The following ALS2 variants were observed in gnomAD, a reference collection of about 807,000 sequenced individuals.
ALS2 encodes alsin.
A neutral mutation model predicts 203.4 loss-of-function variants in ALS2; 117 were observed. The observed-to-expected ratio is 0.58, with a 90% CI of 0.50 to 0.67. The LOEUF is 0.67. Among genes scored for constraint, ALS2 ranks in the 30% least tolerant of loss-of-function variants. The pLI is 0.00. For synonymous variants in ALS2, 718 were observed against 725.9 expected (o/e 0.99, Z 0.17); for missense variants, 1,715 against 1,989.4 (o/e 0.86, Z 2.62).
chr2:201,767,513 T>A, intron 2 of ALS2, 130 bp from the exon 3 acceptor site: 1 of 1,005,322 alleles, frequency 9.9e-7, no homozygotes, highest in Non-Finnish European at 1.5e-6. Context: ...AATTAGCACC[T>A]ATTTTATGCT....
intron 27 of ALS2, among the ~76,000 whole-genome samples, chr2:201,708,875 A>G (rs1689877464): frequency 3.4e-5 from 1 of 29,254 alleles, no homozygotes; most frequent in Non-Finnish European, 9.6e-5. Flanking sequence ...CTAATTGTAT[A>G]GTTGAAAAAA....
At chr2:201,738,424 A>T in intron 12 of ALS2, 1 of 512,728 alleles carries the variant, frequency 2.0e-6, no homozygotes, top group Non-Finnish European at 3.5e-6. Context: ...CAAAGTCTCA[A>T]GGATAGCACA....
chr2:201,765,637 C>T (rs1694036026), intron 3 of ALS2: 1 of 163,740 alleles, frequency 6.1e-6, no homozygotes, highest in Non-Finnish European at 1.5e-5. Flanking sequence ...TATTTAATAC[C>T]TTAATAAATA....
chr2:201,768,142 T>C (rs1694197025), intron 2 of ALS2, among the ~76,000 whole-genome samples: 1 of 152,214 alleles, frequency 6.6e-6, no homozygotes, highest in Non-Finnish European at 1.5e-5. Flanking sequence ...CACTTTATGT[T>C]GAGTTTAAGT....
rs1207654828 is a variant in ALS2, at chr2:201,754,596, TCTC to T, written c.1544_1546del (p.Gly515del). On this transcript the variant is annotated inframe_deletion, in exon 6 of 34. Transcript: ENST00000264276. ...CAGAGAAGGCAGGAGCGCATCTGCTTCTCCACTGTATGTGGGGGTCAGAACCAC... is the reference window on the plus strand; with the variant it reads ...CAGAGAAGGCAGGAGCGCATCTGCTTCACTGTATGTGGGGGTCAGAACCAC... 1.2e-6 allele frequency: 2 copies of T among 1,614,066 alleles called. No individual in the cohort carries two copies. The highest frequency in any genetic ancestry group is 1.7e-6 in the Non-Finnish European group (2 of 1,179,990).
At chr2:201,724,597 A>T (rs2106001763) in intron 20 of ALS2, 138 bp from the exon 21 acceptor site, 7 of 935,768 alleles carry the variant, frequency 7.5e-6, no homozygotes, top group African/African-American at 1.7e-5. Context: ...ATTTTTCACC[A>T]ATTAAAAAAA....
intron 23 of ALS2, among the ~76,000 whole-genome samples, chr2:201,721,807 G>A (rs1023062890): frequency 4.6e-5 from 7 of 152,190 alleles, no homozygotes; most frequent in Non-Finnish European, 5.9e-5. Flanking sequence ...GGGACTACAG[G>A]TGCCCGCCAC....
intron 3 of ALS2, 85 bp from the exon 4 acceptor site, chr2:201,761,903 T>C (rs1193326378): frequency 4.3e-6 from 6 of 1,394,124 alleles, no homozygotes; most frequent in African/African-American, 2.9e-5. Flanking sequence ...TAGTCCCCTA[T>C]AGATTTAACC....
chr2:201,758,744 A>ATG (rs1388439701), intron 4 of ALS2, among the ~76,000 whole-genome samples: 23 of 100,004 alleles, frequency 2.3e-4, no homozygotes, highest in East Asian at 1.9e-3. Context: ...TACAAATATA[A>ATG]TGTGTGTGTG....
chr2:201,762,867 G>A (rs1693840851), intron 3 of ALS2: 2 of 154,726 alleles, frequency 1.3e-5, no homozygotes, highest in Admixed American at 1.3e-4. Context: ...AGAGCTCAAG[G>A]AGGCAAGGCT....
At chr2:201,752,932 G>A (rs1162656444) in intron 7 of ALS2, among the ~76,000 whole-genome samples, 1 of 152,140 alleles carries the variant, frequency 6.6e-6, no homozygotes, top group Non-Finnish European at 1.5e-5. Flanking sequence ...CTACTGTTAC[G>A]TATGTGTGAC....
chr2:201,717,004 G>A (rs73053687), intron 24 of ALS2, among the ~76,000 whole-genome samples: 1,870 of 152,246 alleles, frequency 0.012, 42 homozygotes, highest in African/African-American at 0.043. Context: ...TCTAGGGAGA[G>A]ATGGTGGGAG....
intron 11 of ALS2, among the ~76,000 whole-genome samples, chr2:201,740,370 C>T (rs545142420): frequency 2.0e-5 from 3 of 151,954 alleles, no homozygotes; most frequent in Non-Finnish European, 4.4e-5. Context: ...TTACTTGCCC[C>T]ATCTATAGGA....
At chr2:201,747,493 C>T (rs1267920312) in intron 8 of ALS2, among the ~76,000 whole-genome samples, 12 of 150,468 alleles carry the variant, frequency 8.0e-5, no homozygotes, top group Non-Finnish European at 1.5e-5. Flanking sequence ...CTCTTTCGCC[C>T]AGGCTGGTGT....
intron 32 of ALS2, 26 bp from the exon 33 acceptor site, chr2:201,704,244 A>C: frequency 6.3e-7 from 1 of 1,595,128 alleles, no homozygotes; most frequent in Non-Finnish European, 8.6e-7. Flanking sequence ...AAAGATGCTG[A>C]GTTATTTTCA....
intron 1 of ALS2, among the ~76,000 whole-genome samples, chr2:201,769,410 T>C (rs1158388511): frequency 6.6e-6 from 1 of 152,224 alleles, no homozygotes; most frequent in Non-Finnish European, 1.5e-5. Flanking sequence ...TTTATACTTT[T>C]CAGTAATGCA....
chr2:201,723,571 A>C, intron 21 of ALS2, 130 bp from the exon 22 acceptor site: 1 of 774,550 alleles, frequency 1.3e-6, no homozygotes. Context: ...TAGTTAAAAT[A>C]GTTAACTTTG....
intron 27 of ALS2, 74 bp from the exon 28 acceptor site, chr2:201,708,065 A>G: frequency 7.0e-7 from 1 of 1,425,312 alleles, no homozygotes. Flanking sequence ...ACACATTTCC[A>G]TTAGTTATGA....
Position 201,733,206 on chromosome 2 carries a change from G to C in ALS2, c.2580+70C>G. 3.3e-6 allele frequency: 5 copies of C among 1,494,790 alleles called. No homozygotes were observed. In the South Asian group the frequency reaches 4.6e-5, roughly 14 times the overall value. The allele number at this position is 1,494,790 out of a possible 1,614,324, so 92.6% of individuals were successfully genotyped here. A position where few individuals can be genotyped will look rare whatever the true frequency, so the allele number is the denominator to read the frequency against. On this transcript the variant is annotated intron_variant, in intron 13 of 33. Transcript: ENST00000264276. Reference sequence around the variant, plus strand: ...TACTGGAGTTCCAGATCTTGTGGTGGCATAATCCATACAAACAACTATGAT... The same window carrying C: ...TACTGGAGTTCCAGATCTTGTGGTGCCATAATCCATACAAACAACTATGAT...
Sources: gnomAD v4.1 joint callset for allele counts (sites outside exome capture counted in the v4.1 genomes callset) on GRCh38, gnomAD v4.1.1 for gene constraint, MANE v1.5 for transcripts, NCBI Gene and HGNC (gene_info 2026-07-23, HGNC 2026-07-21) for gene names.